The following TET2 variants were observed in gnomAD, a reference collection of about 807,000 sequenced individuals.
The protein encoded by TET2 is methylcytosine dioxygenase TET2.
Under a neutral mutation model 142.9 loss-of-function variants are expected in TET2, and 299 were observed. That is an observed-to-expected ratio of 2.09 (90% CI 1.90 to 2.30). The LOEUF (loss-of-function observed/expected upper bound fraction) is 2.30, where lower values mean the gene tolerates loss of function less well. Among genes scored for constraint, TET2 ranks in the 30% most tolerant of loss-of-function variants. The pLI is 0.00. For synonymous variants in TET2, 819 were observed against 849.0 expected, an observed-to-expected ratio of 0.96 and a Z score of 0.61; for missense variants, 2,418 against 2,378.0, an observed-to-expected ratio of 1.02 and a Z score of -0.35.
At chr4:105,201,731 C>CATTTTTTTTTTTTTTTTT in intron 2 of TET2, among the ~76,000 whole-genome samples, 1 of 104,698 alleles carries the variant, frequency 9.6e-6, no homozygotes, top group Non-Finnish European at 1.9e-5. Flanking sequence ...TCATCCAGGA[C>CATTTTTTTTTTTTTTTTT]CTTTTTTTTT....
intron 2 of TET2, among the ~76,000 whole-genome samples, chr4:105,207,321 C>T (rs756468395): frequency 1.3e-4 from 20 of 152,166 alleles, no homozygotes; most frequent in Non-Finnish European, 2.9e-5. Context: ...AGCATGAGAA[C>T]TCTCCTTTTG....
intron 1 of TET2, among the ~76,000 whole-genome samples, chr4:105,161,458 A>T (rs932211245): frequency 4.6e-5 from 7 of 152,196 alleles, no homozygotes; most frequent in African/African-American, 1.7e-4. Context: ...TCTCTCAATT[A>T]TCCTCGGCCT....
chr4:105,161,157 G>T (rs1390284189), intron 1 of TET2, among the ~76,000 whole-genome samples: 5 of 152,134 alleles, frequency 3.3e-5, no homozygotes, highest in African/African-American at 1.2e-4. Context: ...TCAGGTTTTA[G>T]CCATTTAACA....
At chr4:105,227,830 C>T (rs867273411) in intron 2 of TET2, among the ~76,000 whole-genome samples, 1 of 152,124 alleles carries the variant, frequency 6.6e-6, no homozygotes, top group African/African-American at 2.4e-5. Context: ...TTCATTAACT[C>T]TACTTTCACT....
At chr4:105,214,814 A>G (rs1171027413) in intron 2 of TET2, among the ~76,000 whole-genome samples, 1 of 151,900 alleles carries the variant, frequency 6.6e-6, no homozygotes, top group Non-Finnish European at 1.5e-5. Flanking sequence ...CTTATACTTC[A>G]CCCTAAGCAT....
intron 1 of TET2, among the ~76,000 whole-genome samples, chr4:105,155,549 TGG>T (rs1170824220): frequency 6.6e-6 from 1 of 152,350 alleles, no homozygotes; most frequent in South Asian, 2.1e-4. Context: ...GTGAATTACT[TGG>T]GGTTGATTGT....
chr4:105,184,636 T>C (rs1725318708), intron 1 of TET2, among the ~76,000 whole-genome samples: 1 of 152,220 alleles, frequency 6.6e-6, no homozygotes, highest in African/African-American at 2.4e-5. Context: ...AACAGGAGAA[T>C]AGCCATCACT....
intron 6 of TET2, among the ~76,000 whole-genome samples, chr4:105,254,400 A>G (rs761294787): frequency 3.3e-5 from 5 of 152,108 alleles, no homozygotes; most frequent in African/African-American, 1.2e-4. Flanking sequence ...ACATTTGTTC[A>G]TAATATTTCT....
intron 2 of TET2, among the ~76,000 whole-genome samples, chr4:105,214,825 C>T (rs1412355478): frequency 2.6e-5 from 4 of 152,134 alleles, no homozygotes; most frequent in African/African-American, 9.7e-5. Flanking sequence ...CCCTAAGCAT[C>T]TCTTCATCTG....
At chr4:105,174,086 C>T (rs35515350) in intron 1 of TET2, among the ~76,000 whole-genome samples, 29,950 of 152,006 alleles carry the variant, frequency 0.2, 3,681 homozygotes, top group East Asian at 0.48. Flanking sequence ...CTACCCAAAG[C>T]CTCAATTTGT....
At chr4:105,214,337 C>A (rs1171506002) in intron 2 of TET2, among the ~76,000 whole-genome samples, 5 of 122,390 alleles carry the variant, frequency 4.1e-5, no homozygotes, top group African/African-American at 1.2e-4. Context: ...GACAAGACTT[C>A]CCTGTGTCAC....
intron 4 of TET2, chr4:105,241,967 A>G: frequency 1.6e-6 from 2 of 1,238,680 alleles, no homozygotes; most frequent in Non-Finnish European, 2.0e-6. Context: ...TATCAATCAC[A>G]GGTATACAAG....
intron 1 of TET2, among the ~76,000 whole-genome samples, chr4:105,170,074 C>T (rs1204898799): frequency 6.6e-6 from 1 of 152,086 alleles, no homozygotes; most frequent in African/African-American, 2.4e-5. Context: ...TTTTTGTTTT[C>T]ATATGAATTT....
At chr4:105,165,640 G>A (rs949015685) in intron 1 of TET2, among the ~76,000 whole-genome samples, 4 of 152,190 alleles carry the variant, frequency 2.6e-5, no homozygotes, top group African/African-American at 9.6e-5. Context: ...GCAAGCAAAT[G>A]AATAGCAGAC....
intron 1 of TET2, among the ~76,000 whole-genome samples, chr4:105,167,579 ATGAC>A (rs1398636994): frequency 6.6e-6 from 1 of 152,194 alleles, no homozygotes; most frequent in African/African-American, 2.4e-5. Context: ...GCTAGAGTTC[ATGAC>A]TGACTAATTT....
chr4:105,201,762 A>G (rs1726487156), intron 2 of TET2, among the ~76,000 whole-genome samples: 1 of 82,310 alleles, frequency 1.2e-5, no homozygotes, highest in East Asian at 2.9e-4. Flanking sequence ...TTTTTTTCAG[A>G]CAGGGTTTCA....
chr4:105,157,931 C>T (rs1244026097), intron 1 of TET2, among the ~76,000 whole-genome samples: 2 of 152,140 alleles, frequency 1.3e-5, no homozygotes, highest in African/African-American at 4.8e-5. Flanking sequence ...CCCCCTTCTG[C>T]TTCCTAAAGT....
intron 2 of TET2, among the ~76,000 whole-genome samples, chr4:105,204,276 C>CAT (rs1726684163): frequency 7.0e-6 from 1 of 143,104 alleles, no homozygotes. Context: ...CACATACATA[C>CAT]ATACATTAGA....
intron 8 of TET2, among the ~76,000 whole-genome samples, chr4:105,262,169 T>C (rs1730468591): frequency 6.6e-6 from 1 of 152,206 alleles, no homozygotes; most frequent in Non-Finnish European, 1.5e-5. Flanking sequence ...GCCCAAGCTA[T>C]AGGTTCTAAC....
Sources: gnomAD v4.1 joint callset for allele counts (sites outside exome capture counted in the v4.1 genomes callset) on GRCh38, gnomAD v4.1.1 for gene constraint, MANE v1.5 for transcripts, NCBI Gene and HGNC (gene_info 2026-07-23, HGNC 2026-07-21) for gene names.